ZDHHC8: variants seen among roughly 807,000 people sequenced by gnomAD.
ZDHHC8 encodes the protein zDHHC palmitoyltransferase 8, also known as palmitoyltransferase ZDHHC8.
ZDHHC8 carries 24 observed loss-of-function variants against 61.2 expected under a neutral mutation model. The ratio of observed to expected loss-of-function variants is 0.39; its 90% CI spans 0.28 to 0.55. The LOEUF is 0.55. Ranked by LOEUF, ZDHHC8 falls within the 20% of genes least tolerant of loss-of-function variation. ZDHHC8 has a pLI of 0.60. For missense variants in ZDHHC8, 935 were observed against 1,102.1 expected, an observed-to-expected ratio of 0.85 and a Z score of 2.15; for synonymous variants, 523 against 492.5, an observed-to-expected ratio of 1.06 and a Z score of -0.82.
Position 20,146,956 on chromosome 22 carries a change from G to A in ZDHHC8, c.*1556G>A, listed in dbSNP as rs2050531982. ...CTGTCCCAGCGTGGGAGGCGTGCGGGCTGTAGGGCCCCGAAGCTGACCTCC... is the reference window on the plus strand; with the variant it reads ...CTGTCCCAGCGTGGGAGGCGTGCGGACTGTAGGGCCCCGAAGCTGACCTCC... On this transcript the variant is annotated 3_prime_UTR_variant, in exon 11 of 11. Coordinates refer to ENST00000334554, the MANE Select transcript of ZDHHC8 (RefSeq NM_013373.4). 2.2e-6 allele frequency: 3 copies of A among 1,368,966 alleles called. No individual in the cohort carries two copies. The highest frequency in any genetic ancestry group is 3.5e-5 in the South Asian group (2 of 57,778). 84.8% of individuals were successfully genotyped at this position (1,368,966 alleles called of 1,614,324 possible). A position where few individuals can be genotyped will look rare whatever the true frequency, so the allele number is the denominator to read the frequency against.
chr22:20,144,598 C>A (rs1387838816), intron 10 of ZDHHC8, among the ~76,000 whole-genome samples: 1 of 152,256 alleles, frequency 6.6e-6, no homozygotes, highest in Admixed American at 6.5e-5. Flanking sequence ...GCAGTCCAGC[C>A]CTGAGCGGGT....
Position 20,147,853 on chromosome 22 carries a change from C to T in ZDHHC8, c.*2453C>T, listed in dbSNP as rs1165619992. 2 of 152,318 alleles carry T rather than the reference C, an allele frequency of 1.3e-5. No individual in the cohort carries two copies. The highest frequency in any genetic ancestry group is 1.9e-4 in the East Asian group (1 of 5,198). The allele number at this position is 152,318 out of a possible 1,614,324, so 9.4% of individuals were successfully genotyped here. ...GCGGCAGGGTGGCACTCCGGCCAGC[C>T]CTTCTCCGTCACAGGGTCCCTGTCC... On this transcript the variant is annotated 3_prime_UTR_variant, in exon 11 of 11. Transcript: ENST00000334554.
chr22:20,140,230 T>C lies in ZDHHC8; in HGVS notation c.660+13T>C, dbSNP rs764070095. On this transcript the variant is annotated intron_variant, in intron 5 of 10. Coordinates refer to ENST00000334554, the MANE Select transcript of ZDHHC8 (RefSeq NM_013373.4). Reference sequence around the variant, plus strand: ...CACCAACGAGCAGGTGCAGACCCCATGGGGGATGGGTGGCCCCAAAGGGCC... The same window carrying C: ...CACCAACGAGCAGGTGCAGACCCCACGGGGGATGGGTGGCCCCAAAGGGCC... The C allele has an allele frequency of 2.3e-5, 37 of 1,607,858 alleles. No homozygotes were observed. The South Asian group carries it at 2.5e-4, about 11-fold the overall frequency.
chr22:20,143,270 C>T lies in ZDHHC8; in HGVS notation c.1640C>T (p.Thr547Ile). Residue 547 changes from threonine to isoleucine, a missense_variant, in exon 10 of 11, where the codon ACC becomes ATC. Around this residue, in one of 3 missense-constraint regions of ZDHHC8, gnomAD observed 692 missense variants for 731.4 expected, o/e 0.95. Coordinates refer to ENST00000334554, the MANE Select transcript of ZDHHC8 (RefSeq NM_013373.4). ...GTGCGCTACGACAACCTGTCCAGGA[C>T]CATCATGGCATCCATCCAGGAGCGC... ...SPVRYDNLSRTIMASIQERKD... is the reference protein window; with the variant it reads ...SPVRYDNLSRIIMASIQERKD... 1 of 1,606,252 alleles carries T rather than the reference C, an allele frequency of 6.2e-7. No individual in the cohort carries two copies. The highest frequency in any genetic ancestry group is 8.5e-7 in the Non-Finnish European group (1 of 1,179,416).
intron 4 of ZDHHC8, 63 bp from the exon 5 acceptor site, chr22:20,140,052 C>A (rs1250247299): frequency 3.8e-6 from 6 of 1,597,300 alleles, no homozygotes; most frequent in Non-Finnish European, 5.1e-6. Context: ...CAGGCACCTG[C>A]TCTGTGCTGC....
At chr22:20,137,627 A>G (rs1206088177) in intron 1 of ZDHHC8, among the ~76,000 whole-genome samples, 1 of 152,214 alleles carries the variant, frequency 6.6e-6, no homozygotes, top group Non-Finnish European at 1.5e-5. Context: ...TGCACAGACT[A>G]TGTAGCCAGC....
Position 20,141,524 on chromosome 22 carries a change from C to A in ZDHHC8, c.1119C>A (p.Gly373=), listed in dbSNP as rs760919783. ...TGPKVPFCGP[G]EQVPGPDSLT... is the part of the protein sequence containing the mutation. ...CCAAGGTGCCCTTCTGTGGACCAGG[C>A]GAGCAGGTAAGGAGGCCTAGCCTGC... The change falls in exon 9 of 11, where the codon GGC becomes GGA. Residue 373 remains glycine (G), a synonymous_variant. Transcript: ENST00000334554. 9 of 1,611,174 alleles carry A rather than the reference C, an allele frequency of 5.6e-6. No individual in the cohort carries two copies. Among genetic ancestry groups the A allele is most frequent in the Non-Finnish European group, 5.9e-6 (7 of 1,179,216 alleles).
At position 20,146,324 on chromosome 22, in the gene ZDHHC8, G is replaced by T; in HGVS notation, c.*924G>T. The stretch of plus-strand genomic sequence containing the variant: ...CCGTGGGAAAGCACACTGGGGAGGG[G>T]TCAGTGCTTCCCTTGGTGTCAGGGA... On this transcript the variant is annotated 3_prime_UTR_variant, in exon 11 of 11. Transcript: ENST00000334554. 5.1e-6 allele frequency: 5 copies of T among 985,686 alleles called. No homozygotes were observed. Among genetic ancestry groups the T allele is most frequent in the Non-Finnish European group, 6.0e-6 (5 of 829,948 alleles). 61.1% of individuals were successfully genotyped at this position (985,686 alleles called of 1,614,324 possible). A position where few individuals can be genotyped will look rare whatever the true frequency, so the allele number is the denominator to read the frequency against.
Position 20,145,340 on chromosome 22 carries a change from G to A in ZDHHC8, c.2238G>A (p.Arg746=). 2 of 1,593,034 alleles carry A rather than the reference G, an allele frequency of 1.3e-6. No individual in the cohort carries two copies. The highest frequency in any genetic ancestry group is 2.3e-5 in the East Asian group (1 of 42,690). The change falls in exon 11 of 11, where the codon CGG becomes CGA. Residue 746 remains arginine, a synonymous_variant. Coordinates refer to ENST00000334554, the MANE Select transcript of ZDHHC8 (RefSeq NM_013373.4). ...CAGGGCCCTCTGCCAGCCCTACACGGCACACGCTGGTTAAGAAGGTGTCCG... is the reference window on the plus strand; with the variant it reads ...CAGGGCCCTCTGCCAGCCCTACACGACACACGCTGGTTAAGAAGGTGTCCG... The part of the protein sequence containing the change: ...GPPGPSASPT[R]HTLVKKVSGV...
intron 10 of ZDHHC8, 64 bp from the exon 11 acceptor site, chr22:20,145,165 G>A (rs928796234): frequency 3.3e-5 from 44 of 1,344,854 alleles, no homozygotes; most frequent in South Asian, 1.1e-4. Context: ...TGCCTCCTCC[G>A]TCCTCTGTCC....
At chr22:20,133,059 GT>G (rs756993225) in intron 1 of ZDHHC8, among the ~76,000 whole-genome samples, 1 of 152,240 alleles carries the variant, frequency 6.6e-6, no homozygotes, top group Non-Finnish European at 1.5e-5. Context: ...CTTTGCAAGA[GT>G]TTGGGGGGCC....
rs539341579 is a variant in ZDHHC8 at position 20,136,035 on chromosome 22, C to G, written c.105-3159C>G. 3.3e-5 allele frequency among the ~76,000 whole-genome samples: 5 copies of G among 152,264 alleles called. No homozygotes were observed. The East Asian group carries it at 9.6e-4, about 29-fold the overall frequency. On this transcript the variant is annotated intron_variant, in intron 1 of 10. Transcript: ENST00000334554. ...CCAGGCGGGACTTGGGGCCTCAGCCCGGGTGGGGCCTATGGTGGTGGTGCA... is the reference window on the plus strand; with the variant it reads ...CCAGGCGGGACTTGGGGCCTCAGCCGGGGTGGGGCCTATGGTGGTGGTGCA...
intron 1 of ZDHHC8, among the ~76,000 whole-genome samples, chr22:20,132,257 G>A (rs972674350): frequency 6.6e-5 from 10 of 152,208 alleles, no homozygotes; most frequent in Admixed American, 1.3e-4. Context: ...ACCGGGGTGA[G>A]TCCCTTGTGT....
intron 10 of ZDHHC8, among the ~76,000 whole-genome samples, chr22:20,144,122 C>T (rs2050501116): frequency 6.6e-6 from 1 of 152,182 alleles, no homozygotes. Flanking sequence ...CTTCCTGGGT[C>T]ACAGTGGCCC....
At position 20,139,794 on chromosome 22, in the gene ZDHHC8, G is replaced by C; in HGVS notation, c.459G>C (p.Leu153=). ...RRNYRYFFLF[L]LSLSAHMVGV... is the part of the protein sequence containing the mutation. ...ACTATCGCTACTTCTTCCTGTTCCT[G>C]CTGTCACTCAGTGCACACATGGTGG... The change falls in exon 4 of 11, where the codon CTG becomes CTC. Residue 153 remains leucine (L), a synonymous_variant. Transcript: ENST00000334554. 1 of 1,613,202 alleles carries C rather than the reference G, an allele frequency of 6.2e-7. No homozygotes were observed. The highest frequency in any genetic ancestry group is 8.5e-7 in the Non-Finnish European group (1 of 1,180,022).
At chr22:20,140,527 C>T (rs2050458976) in intron 5 of ZDHHC8, 90 bp from the exon 6 acceptor site, 1 of 1,343,436 alleles carries the variant, frequency 7.4e-7, no homozygotes, top group Non-Finnish European at 1.0e-6. Flanking sequence ...GTATCAGCTT[C>T]TAAGGAACCC....
At chr22:20,137,732 C>T (rs1194731281) in intron 1 of ZDHHC8, among the ~76,000 whole-genome samples, 1 of 152,250 alleles carries the variant, frequency 6.6e-6, no homozygotes, top group Non-Finnish European at 1.5e-5. Flanking sequence ...GCCGACCCTG[C>T]CTTAGGGGCC....
At position 20,147,194 on chromosome 22, in the gene ZDHHC8, C is replaced by T; in HGVS notation, c.*1794C>T. On this transcript the variant is annotated 3_prime_UTR_variant, in exon 11 of 11. Transcript: ENST00000334554. Reference sequence around the variant, plus strand: ...GGGGCCATGTGCCGCCTGCACTTGGCTGCCTCCAGTCTTTTCCCCAGCCTC... The same window carrying T: ...GGGGCCATGTGCCGCCTGCACTTGGTTGCCTCCAGTCTTTTCCCCAGCCTC... 1 of 1,511,322 alleles carries T rather than the reference C, an allele frequency of 6.6e-7. No homozygotes were observed. The highest frequency in any genetic ancestry group is 8.9e-7 in the Non-Finnish European group (1 of 1,128,220). 93.6% of individuals were successfully genotyped at this position (1,511,322 alleles called of 1,614,324 possible).
Position 20,141,524 on chromosome 22 carries a change from C to T in ZDHHC8, c.1119C>T (p.Gly373=), listed in dbSNP as rs760919783. 22 of 1,611,058 alleles carry T rather than the reference C, an allele frequency of 1.4e-5. No homozygotes were observed. The highest frequency in any genetic ancestry group is 2.2e-5 in the South Asian group (2 of 90,688). Residue 373 remains glycine (G), a synonymous_variant, in exon 9 of 11, where the codon GGC becomes GGT. Transcript: ENST00000334554. The stretch of plus-strand genomic sequence containing the variant: ...CCAAGGTGCCCTTCTGTGGACCAGG[C>T]GAGCAGGTAAGGAGGCCTAGCCTGC... ...TGPKVPFCGP[G]EQVPGPDSLT... is the part of the protein sequence containing the mutation.
Sources: gnomAD v4.1 joint callset for allele counts (sites outside exome capture counted in the v4.1 genomes callset) on GRCh38, gnomAD v4.1.1 for gene constraint, gnomAD v4.1.1 regional missense constraint, MANE v1.5 for transcripts, NCBI Gene and HGNC (gene_info 2026-07-23, HGNC 2026-07-21) for gene names.